Variants in DNAH9 observed in about 807,000 individuals in gnomAD.
DNAH9 encodes dynein axonemal heavy chain 9, also known as DNAH9 variant protein.
Under a neutral mutation model 471.6 loss-of-function variants are expected in DNAH9, and 345 were observed. That is an observed-to-expected ratio of 0.73 (90% CI 0.67 to 0.80). DNAH9 has a LOEUF of 0.80. Among genes scored for constraint, DNAH9 ranks in the 30% least tolerant of loss-of-function variants. The pLI, the probability that DNAH9 is intolerant of heterozygous loss-of-function variation, is 0.00. For synonymous variants in DNAH9, 2,093 were observed against 2,123.6 expected (o/e 0.99, Z 0.40); for missense variants, 5,407 against 5,609.2 (o/e 0.96, Z 1.15).
In DNAH9 at chr17:11,871,768, C is replaced by T. The variant is rs536552328; in HGVS notation, c.10224C>T (p.Pro3408=). ...RQSLLDRTWR[P]YLSQLKTPIP... The stretch of plus-strand genomic sequence containing the variant: ...GCCTCCTGGACAGAACTTGGAGGCC[C>T]TACCTGAGCCAGCTGAAAGTACGTA... The change falls in exon 52 of 69, where the codon CCC becomes CCT. Residue 3408 remains proline (P), a synonymous_variant. Coordinates refer to ENST00000262442, the MANE Select transcript of DNAH9 (RefSeq NM_001372.4). 8.7e-6 allele frequency: 14 copies of T among 1,614,090 alleles called. No individual in the cohort carries two copies. In the South Asian group the frequency reaches 1.4e-4, roughly 16 times the overall value.
chr17:11,947,772 A>ATTTTT (rs71367359), intron 67 of DNAH9, among the ~76,000 whole-genome samples: 7 of 108,344 alleles, frequency 6.5e-5, no homozygotes, highest in African/African-American at 1.5e-4. Context: ...GCTGGGAACT[A>ATTTTT]TTTTTTTTTT....
chr17:11,946,663 CAAA>C (rs754149437), intron 67 of DNAH9, among the ~76,000 whole-genome samples: 2 of 67,934 alleles, frequency 2.9e-5, no homozygotes, highest in South Asian at 5.4e-4. Flanking sequence ...GACTCCATCT[CAAA>C]AAAAAAAAAA....
chr17:11,705,277 A>C (rs1004308701), intron 26 of DNAH9, 92 bp downstream of exon 26: 51 of 1,137,350 alleles, frequency 4.5e-5, no homozygotes, highest in Non-Finnish European at 5.2e-5. Flanking sequence ...GTCACTTGCT[A>C]TTTGTCCATA....
At chr17:11,644,162 T>C (rs1391907751) in intron 10 of DNAH9, among the ~76,000 whole-genome samples, 2 of 152,184 alleles carry the variant, frequency 1.3e-5, no homozygotes, top group Non-Finnish European at 2.9e-5. Flanking sequence ...AATAGGAATT[T>C]TTCAGCGTCA....
At chr17:11,645,902 C>T (rs1346568086) in intron 11 of DNAH9, among the ~76,000 whole-genome samples, 16 of 123,988 alleles carry the variant, frequency 1.3e-4, no homozygotes, top group East Asian at 2.2e-4. Flanking sequence ...TTTTTTGAGA[C>T]GGAGTCTTGC....
intron 6 of DNAH9, among the ~76,000 whole-genome samples, chr17:11,624,852 C>T (rs2072941966): frequency 6.6e-6 from 1 of 152,094 alleles, no homozygotes; most frequent in African/African-American, 2.4e-5. Flanking sequence ...CAATTTTTGC[C>T]ATACAATTTC....
intron 36 of DNAH9, among the ~76,000 whole-genome samples, chr17:11,765,309 A>G (rs1967888530): frequency 6.6e-6 from 1 of 152,248 alleles, no homozygotes; most frequent in African/African-American, 2.4e-5. Context: ...ATTGTTGGAA[A>G]GTTATCATTT....
chr17:11,784,389 C>T lies in DNAH9; in HGVS notation c.7911C>T (p.Leu2637=), dbSNP rs554551399. ...TCATCCTCACTCAGCATCTGAAGCT[C>T]GGAAACTTCCCGGCGTCCCTGCAGA... ...YSIILTQHLK[L]GNFPASLQKS... The change falls in exon 41 of 69, where the codon CTC becomes CTT. Residue 2637 remains leucine (L), a synonymous_variant. Coordinates refer to ENST00000262442, the MANE Select transcript of DNAH9 (RefSeq NM_001372.4). 1.5e-5 allele frequency: 24 copies of T among 1,614,158 alleles called. No homozygotes were observed. In the East Asian group the frequency reaches 3.1e-4, roughly 21 times the overall value.
intron 5 of DNAH9, among the ~76,000 whole-genome samples, chr17:11,618,801 A>C (rs1386814706): frequency 6.6e-6 from 1 of 152,072 alleles, no homozygotes; most frequent in African/African-American, 2.4e-5. Context: ...GGAAGGTCTT[A>C]TTATTTATTA....
chr17:11,700,631 A>G (rs1435970480), intron 23 of DNAH9, among the ~76,000 whole-genome samples: 1 of 152,190 alleles, frequency 6.6e-6, no homozygotes, highest in Non-Finnish European at 1.5e-5. Flanking sequence ...TATATCTAAG[A>G]AAGCAATTCT....
chr17:11,913,226 A>G (rs1273535147), intron 61 of DNAH9, among the ~76,000 whole-genome samples: 1 of 152,240 alleles, frequency 6.6e-6, no homozygotes, highest in African/African-American at 2.4e-5. Flanking sequence ...GTTTGGTAGA[A>G]TTCAGTGATG....
chr17:11,726,941 G>A (rs187703334), intron 27 of DNAH9, among the ~76,000 whole-genome samples: 90 of 150,838 alleles, frequency 6.0e-4, no homozygotes, highest in African/African-American at 1.9e-3. Context: ...GCAGCTACTC[G>A]GGAGGCTGAG....
intron 61 of DNAH9, among the ~76,000 whole-genome samples, chr17:11,908,276 ACT>A (rs1567892615): frequency 6.6e-6 from 1 of 152,148 alleles, no homozygotes. Context: ...GGTCGACTGT[ACT>A]CTCTTTTTCT....
intron 27 of DNAH9, among the ~76,000 whole-genome samples, chr17:11,720,905 A>G (rs1188984380): frequency 1.3e-5 from 2 of 152,228 alleles, no homozygotes; most frequent in East Asian, 3.9e-4. Context: ...GCTGGAACAG[A>G]AAGGTGGAGT....
intron 43 of DNAH9, among the ~76,000 whole-genome samples, chr17:11,798,365 C>G (rs532012732): frequency 1.4e-5 from 2 of 147,942 alleles, no homozygotes; most frequent in Non-Finnish European, 3.0e-5. Context: ...CCTGGGAGGC[C>G]CAGGTTGCAG....
intron 19 of DNAH9, among the ~76,000 whole-genome samples, chr17:11,687,488 A>G (rs1405731469): frequency 6.6e-6 from 1 of 152,170 alleles, no homozygotes; most frequent in Non-Finnish European, 1.5e-5. Context: ...AAGAGTTTGT[A>G]TGTCATTTTC....
chr17:11,724,155 C>CCAT (rs1364003115), intron 27 of DNAH9, among the ~76,000 whole-genome samples: 1 of 151,910 alleles, frequency 6.6e-6, no homozygotes, highest in Non-Finnish European at 1.5e-5. Context: ...ATTAGGATAA[C>CCAT]CATCATCCCA....
At chr17:11,702,576 T>C (rs1327355576) in intron 24 of DNAH9, among the ~76,000 whole-genome samples, 6 of 152,038 alleles carry the variant, frequency 3.9e-5, no homozygotes, top group Non-Finnish European at 8.8e-5. Context: ...GAATAAGAAA[T>C]GGTCTTTTGG....
At chr17:11,851,809 A>T (rs1205912558) in intron 49 of DNAH9, among the ~76,000 whole-genome samples, 1 of 151,788 alleles carries the variant, frequency 6.6e-6, no homozygotes, top group Non-Finnish European at 1.5e-5. Context: ...CTAAAACCAA[A>T]AGAGTCATGA....
Sources: allele counts gnomAD v4.1 joint callset (sites outside exome capture counted in the v4.1 genomes callset), GRCh38; gene constraint gnomAD v4.1.1; transcripts MANE v1.5; gene names NCBI Gene and HGNC (gene_info 2026-07-23, HGNC 2026-07-21).